The following MRPL1 variants were observed in gnomAD, a reference collection of about 807,000 sequenced individuals.
The protein encoded by MRPL1 is mitochondrial ribosomal protein L1, also known as large ribosomal subunit protein uL1m.
Under a neutral mutation model 38.0 loss-of-function variants are expected in MRPL1, and 28 were observed. That is an observed-to-expected ratio of 0.74 (90% confidence interval 0.55 to 1.01). The LOEUF is 1.01. Among genes scored for constraint, MRPL1 ranks in the 50% least tolerant of loss-of-function variants. The pLI, the probability that MRPL1 is intolerant of heterozygous loss-of-function variation, is 0.00. For synonymous variants in MRPL1, 123 were observed against 126.7 expected, an observed-to-expected ratio of 0.97 and a Z score of 0.20; for missense variants, 358 against 389.8, an observed-to-expected ratio of 0.92 and a Z score of 0.69.
intron 5 of MRPL1, among the ~76,000 whole-genome samples, chr4:77,889,651 T>TA (rs1300337230): frequency 1.3e-4 from 19 of 151,780 alleles, no homozygotes; most frequent in African/African-American, 3.9e-4. Context: ...CTGAAGGAGA[T>TA]AGAGATACAA....
chr4:77,868,618 A>T (rs1399411081), intron 1 of MRPL1, among the ~76,000 whole-genome samples: 1 of 152,258 alleles, frequency 6.6e-6, no homozygotes, highest in East Asian at 1.9e-4. Context: ...AATGTATATG[A>T]GAGACCTAAT....
intron 1 of MRPL1, among the ~76,000 whole-genome samples, chr4:77,866,981 C>T (rs1469357350): frequency 5.9e-5 from 9 of 151,872 alleles, no homozygotes; most frequent in African/African-American, 1.7e-4. Context: ...CTCCTGACCT[C>T]GTGATCCTCC....
intron 2 of MRPL1, among the ~76,000 whole-genome samples, chr4:77,879,975 A>C (rs1185712167): frequency 6.6e-6 from 1 of 152,184 alleles, no homozygotes; most frequent in Non-Finnish European, 1.5e-5. Flanking sequence ...TGAGAATGGA[A>C]TTATACGTTG....
chr4:77,929,826 T>C (rs193069931), intron 7 of MRPL1, among the ~76,000 whole-genome samples: 169 of 152,016 alleles, frequency 1.1e-3, no homozygotes, highest in African/African-American at 4.0e-3. Flanking sequence ...CCTTAAAGTC[T>C]AAAATGTTTA....
intron 7 of MRPL1, among the ~76,000 whole-genome samples, chr4:77,934,400 CAT>C (rs1380233510): frequency 6.6e-6 from 1 of 152,124 alleles, no homozygotes; most frequent in Non-Finnish European, 1.5e-5. Context: ...AGCCTAAATA[CAT>C]ATCTCTCCAA....
intron 7 of MRPL1, among the ~76,000 whole-genome samples, chr4:77,936,616 G>A (rs532829577): frequency 6.6e-6 from 1 of 152,254 alleles, no homozygotes; most frequent in African/African-American, 2.4e-5. Flanking sequence ...GATTTCTTTT[G>A]CACCAGAACA....
At chr4:77,913,864 A>G (rs556543827) in intron 7 of MRPL1, among the ~76,000 whole-genome samples, 1 of 152,368 alleles carries the variant, frequency 6.6e-6, no homozygotes, top group Admixed American at 6.5e-5. Flanking sequence ...GAAAAAAGGG[A>G]GCACATCCTG....
intron 7 of MRPL1, among the ~76,000 whole-genome samples, chr4:77,913,322 T>C (rs1736334042): frequency 6.6e-6 from 1 of 152,076 alleles, no homozygotes. Flanking sequence ...ATAATAAAAC[T>C]ACCCAATTTT....
intron 5 of MRPL1, among the ~76,000 whole-genome samples, chr4:77,890,617 T>C (rs1384282878): frequency 2.6e-5 from 4 of 152,186 alleles, no homozygotes; most frequent in Admixed American, 1.3e-4. Flanking sequence ...CAACATAGTG[T>C]TGGAAGTTCT....
intron 7 of MRPL1, among the ~76,000 whole-genome samples, chr4:77,919,038 C>T (rs576215105): frequency 6.6e-6 from 1 of 152,258 alleles, no homozygotes; most frequent in South Asian, 2.1e-4. Flanking sequence ...AATTAACTGT[C>T]TTGTCCTCTA....
rs1016168235 is a variant in MRPL1 at position 77,952,004 on chromosome 4, A to C, written c.860-485A>C. Among the ~76,000 whole-genome samples the C allele has an allele frequency of 1.1e-4, 16 of 152,256 alleles. 1 individual carries two copies. The highest frequency in any genetic ancestry group is 7.2e-5 in the African/African-American group (3 of 41,468). On this transcript the variant is annotated intron_variant, in intron 8 of 8. Coordinates refer to ENST00000315567, the MANE Select transcript of MRPL1 (RefSeq NM_020236.4). ...AAGTATATGATAATCATACAAATGC[A>C]GGACAATAAATGATGTGGTATGAAA...
chr4:77,947,187 G>T (rs1394665120), intron 7 of MRPL1, among the ~76,000 whole-genome samples: 1 of 152,180 alleles, frequency 6.6e-6, no homozygotes, highest in Non-Finnish European at 1.5e-5. Flanking sequence ...ATCTTTTGTA[G>T]AAGTCTTCCC....
intron 2 of MRPL1, among the ~76,000 whole-genome samples, chr4:77,878,875 C>A (rs1372974914): frequency 6.6e-6 from 1 of 151,926 alleles, no homozygotes; most frequent in African/African-American, 2.4e-5. Context: ...GAGACTCCGT[C>A]TTAAAAACAA....
intron 7 of MRPL1, among the ~76,000 whole-genome samples, chr4:77,929,240 C>T (rs1458631000): frequency 1.3e-5 from 2 of 151,954 alleles, no homozygotes; most frequent in Middle Eastern, 3.2e-3. Flanking sequence ...TTCTGGGCAA[C>T]ATAGCAAGAT....
chr4:77,902,109 A>G (rs1454053085), intron 6 of MRPL1, among the ~76,000 whole-genome samples: 1 of 152,244 alleles, frequency 6.6e-6, no homozygotes, highest in Non-Finnish European at 1.5e-5. Flanking sequence ...TCATTGATCA[A>G]AGAAGAAATG....
At chr4:77,911,392 C>T (rs191184472) in intron 7 of MRPL1, among the ~76,000 whole-genome samples, 103 of 152,030 alleles carry the variant, frequency 6.8e-4, no homozygotes, top group African/African-American at 2.3e-3. Context: ...GTCTTAATCA[C>T]TAAGTAGTAG....
chr4:77,894,280 T>C (rs778475118), intron 6 of MRPL1, 30 bp downstream of exon 6: 2 of 1,332,610 alleles, frequency 1.5e-6, no homozygotes, highest in Non-Finnish European at 2.1e-6. Context: ...TTCAATATCC[T>C]GTCAACAACT....
At chr4:77,913,682 G>A (rs1453491261) in intron 7 of MRPL1, among the ~76,000 whole-genome samples, 1 of 152,192 alleles carries the variant, frequency 6.6e-6, no homozygotes, top group Non-Finnish European at 1.5e-5. Flanking sequence ...ACAAAGACCT[G>A]TAAGCAAGGG....
chr4:77,887,114 A>T lies in MRPL1; in HGVS notation c.487-106A>T, dbSNP rs1735695634. 3.3e-6 allele frequency: 3 copies of T among 917,914 alleles called. No homozygotes were observed. In the East Asian group the frequency reaches 7.9e-5, roughly 24 times the overall value. The allele number at this position is 917,914 out of a possible 1,614,324, so 56.9% of individuals were successfully genotyped here. A position where few individuals can be genotyped will look rare whatever the true frequency, so the allele number is the denominator to read the frequency against. On this transcript the variant is annotated intron_variant, in intron 4 of 8. Transcript: ENST00000315567. ...ACATTTTCAATTAAAAATAAAAGCT[A>T]CAATTTGTACTTTGAACTGTGATAT...
Sources: gnomAD v4.1 joint callset for allele counts (sites outside exome capture counted in the v4.1 genomes callset) on GRCh38, gnomAD v4.1.1 for gene constraint, MANE v1.5 for transcripts, NCBI Gene and HGNC (gene_info 2026-07-23, HGNC 2026-07-21) for gene names.